Variants in ANKRD30B observed in about 807,000 individuals in gnomAD.
The protein encoded by ANKRD30B is ankyrin repeat domain 30B.
Under a neutral mutation model 202.2 loss-of-function variants are expected in ANKRD30B, and 144 were observed. That is an observed-to-expected ratio of 0.71 (90% confidence interval 0.62 to 0.82). The LOEUF is 0.82. Ranked by LOEUF, ANKRD30B falls within the 40% of genes least tolerant of loss-of-function variation. ANKRD30B has a pLI of 0.00. For missense variants in ANKRD30B, 1,487 were observed against 1,669.1 expected, an observed-to-expected ratio of 0.89 and a Z score of 1.90; for synonymous variants, 508 against 561.3, an observed-to-expected ratio of 0.91 and a Z score of 1.34.
rs1343363784 is a variant in ANKRD30B, at chr18:14,853,873, A to G, written c.4541A>G (p.Lys1514Arg). ...DLNKQCEASL[K>R]VTSHSHSLRH... ...AATAAACAGTGTGAGGCTTCACTAA[A>G]GGTTACATCACATTCTCACTCTCTG... The change falls in exon 43 of 44, where the codon AAG (lysine) becomes AGG (arginine). Residue 1514 changes from lysine to arginine, a missense_variant. By Grantham distance (26) the Lys-to-Arg change is conservative. Coordinates refer to ENST00000690538, the MANE Select transcript of ANKRD30B (RefSeq NM_001367607.2). Among the ~76,000 whole-genome samples, 2 of 152,204 alleles carry G rather than the reference A, an allele frequency of 1.3e-5. No homozygotes were observed. The highest frequency in any genetic ancestry group is 2.9e-5 in the Non-Finnish European group (2 of 68,026).
chr18:14,760,681 C>T, intron 6 of ANKRD30B, 63 bp downstream of exon 6: 2 of 1,199,320 alleles, frequency 1.7e-6, no homozygotes, highest in Non-Finnish European at 2.3e-6. Context: ...AAGTGCTGAT[C>T]ACAAAAAAGC....
intron 9 of ANKRD30B, among the ~76,000 whole-genome samples, chr18:14,775,354 G>A (rs1023405652): frequency 1.3e-5 from 2 of 152,198 alleles, no homozygotes; most frequent in Non-Finnish European, 2.9e-5. Context: ...TCTCTGCATT[G>A]ATTTATGGGC....
chr18:14,930,710 A>C, the ANKRD30B span, among the ~76,000 whole-genome samples: 1 of 152,108 alleles, frequency 6.6e-6, no homozygotes, highest in African/African-American at 2.4e-5. Flanking sequence ...TGGGGTGTCC[A>C]CAGGCCCTAT....
intron 39 of ANKRD30B, among the ~76,000 whole-genome samples, chr18:14,848,295 T>C (rs1208310104): frequency 2.6e-5 from 4 of 152,116 alleles, no homozygotes; most frequent in Non-Finnish European, 5.9e-5. Context: ...CTCTCTTGGC[T>C]GGAGGCAGAC....
chr18:14,788,298 A>G (rs1404470615), intron 15 of ANKRD30B, among the ~76,000 whole-genome samples: 8 of 152,216 alleles, frequency 5.3e-5, no homozygotes, highest in Non-Finnish European at 8.8e-5. Context: ...TTTCATGAAC[A>G]TGATTTGTTT....
intron 3 of ANKRD30B, among the ~76,000 whole-genome samples, chr18:14,753,775 G>A (rs1441608651): frequency 6.6e-6 from 1 of 152,036 alleles, no homozygotes; most frequent in Non-Finnish European, 1.5e-5. Flanking sequence ...TATTTGAATA[G>A]GTTATGCATA....
chr18:14,850,188 T>G (rs757264145), intron 40 of ANKRD30B, 26 bp from the exon 41 acceptor site: 7 of 1,402,132 alleles, frequency 5.0e-6, no homozygotes, highest in Non-Finnish European at 6.7e-6. Flanking sequence ...CAAAATGAAT[T>G]TTAAGATAAG....
chr18:14,787,668 T>A (rs1451003237), intron 15 of ANKRD30B, among the ~76,000 whole-genome samples: 1 of 152,226 alleles, frequency 6.6e-6, no homozygotes, highest in Non-Finnish European at 1.5e-5. Flanking sequence ...AGCAGTCTAT[T>A]GAAAAATATA....
At chr18:14,805,961 C>T (rs1254367745) in intron 24 of ANKRD30B, among the ~76,000 whole-genome samples, 1 of 150,474 alleles carries the variant, frequency 6.6e-6, no homozygotes, top group Non-Finnish European at 1.5e-5. Flanking sequence ...TGACTCACGC[C>T]TGTAATCCCA....
At chr18:14,927,536 G>GGCCAGGAC in the ANKRD30B span, among the ~76,000 whole-genome samples, 1 of 152,168 alleles carries the variant, frequency 6.6e-6, no homozygotes, top group African/African-American at 2.4e-5. Flanking sequence ...GAGGCCAGGA[G>GGCCAGGAC]GCCAAAGCAC....
At chr18:14,797,717 A>C in intron 19 of ANKRD30B, 28 bp downstream of exon 19, 2 of 1,608,642 alleles carry the variant, frequency 1.2e-6, no homozygotes, top group Non-Finnish European at 1.7e-6. Context: ...TCTATCTTGA[A>C]TATTAACTAC....
intron 9 of ANKRD30B, among the ~76,000 whole-genome samples, chr18:14,776,989 C>A (rs1307840522): frequency 2.0e-5 from 3 of 152,164 alleles, no homozygotes; most frequent in African/African-American, 7.2e-5. Flanking sequence ...AACAAAAATT[C>A]TATAATTATG....
chr18:14,827,814 T>A (rs1038242069), intron 32 of ANKRD30B, among the ~76,000 whole-genome samples: 3 of 152,242 alleles, frequency 2.0e-5, no homozygotes, highest in African/African-American at 7.2e-5. Context: ...TGATGACTAT[T>A]GTACACTGTA....
chr18:14,912,501 C>A, the ANKRD30B span, among the ~76,000 whole-genome samples: 1 of 152,198 alleles, frequency 6.6e-6, no homozygotes, highest in African/African-American at 2.4e-5. Context: ...TTTTGATGTG[C>A]TCTTGGATTC....
At chr18:14,777,401 G>T (rs1967424813) in intron 9 of ANKRD30B, among the ~76,000 whole-genome samples, 2 of 151,610 alleles carry the variant, frequency 1.3e-5, no homozygotes, top group African/African-American at 4.8e-5. Flanking sequence ...AGGTTCCATC[G>T]ATTCTCCTGC....
At position 14,754,664 on chromosome 18, in the gene ANKRD30B, A is replaced by G. The variant is rs558741509; in HGVS notation, c.511-235A>G. Among the ~76,000 whole-genome samples, 293 of 152,276 alleles carry G rather than the reference A, an allele frequency of 1.9e-3. 3 individuals are homozygous for G. Among genetic ancestry groups the G allele is most frequent in the Non-Finnish European group, 3.2e-3 (216 of 68,002 alleles). ...TGGGAAACCATAAAATCATTACAAT[A>G]TAATGATTTTTGGAGATAACCAGAA... On this transcript the variant is annotated intron_variant, in intron 3 of 43. Coordinates refer to ENST00000690538, the MANE Select transcript of ANKRD30B (RefSeq NM_001367607.2).
intron 10 of ANKRD30B, among the ~76,000 whole-genome samples, chr18:14,778,699 A>G (rs1250900280): frequency 6.6e-6 from 1 of 152,230 alleles, no homozygotes; most frequent in African/African-American, 2.4e-5. Flanking sequence ...TACCTTGTCA[A>G]CAATGCATGC....
chr18:14,923,449 A>G, the ANKRD30B span, among the ~76,000 whole-genome samples: 1 of 151,844 alleles, frequency 6.6e-6, no homozygotes. Context: ...AGTGAGAAGG[A>G]CCTTTTTTTG....
At chr18:14,918,070 TG>T in the ANKRD30B span, among the ~76,000 whole-genome samples, 2 of 151,608 alleles carry the variant, frequency 1.3e-5, no homozygotes, top group African/African-American at 2.4e-5. Context: ...GAAAGCGGGG[TG>T]TGGATGAGAA....
Sources: allele counts gnomAD v4.1 joint callset (sites outside exome capture counted in the v4.1 genomes callset), GRCh38; gene constraint gnomAD v4.1.1; transcripts MANE v1.5; gene names NCBI Gene and HGNC (gene_info 2026-07-23, HGNC 2026-07-21).